DCLK1: variants seen among roughly 807,000 people sequenced by gnomAD.
DCLK1 encodes serine/threonine-protein kinase DCLK1.
In DCLK1, 16 loss-of-function variants were observed where a neutral mutation model predicts 86.2. The observed-to-expected ratio is 0.19, with a 90% confidence interval of 0.13 to 0.28. The LOEUF is 0.28. Among genes scored for constraint, DCLK1 ranks in the 10% least tolerant of loss-of-function variants. DCLK1 has a pLI of 1.00. For missense variants in DCLK1, 590 were observed against 940.2 expected, an observed-to-expected ratio of 0.63 and a Z score of 4.87; for synonymous variants, 369 against 370.5, an observed-to-expected ratio of 1.00 and a Z score of 0.05.
intron 3 of DCLK1, among the ~76,000 whole-genome samples, chr13:36,101,291 A>G (rs1046776708): frequency 2.0e-5 from 3 of 152,186 alleles, no homozygotes; most frequent in Non-Finnish European, 4.4e-5. Flanking sequence ...TTCTCCATAC[A>G]GGAAGCCATT....
At chr13:36,030,128 C>T (rs1383919652) in intron 3 of DCLK1, among the ~76,000 whole-genome samples, 1 of 152,114 alleles carries the variant, frequency 6.6e-6, no homozygotes, top group South Asian at 2.1e-4. Flanking sequence ...ATCTTGCAAA[C>T]GTTGAATGAA....
intron 7 of DCLK1, among the ~76,000 whole-genome samples, chr13:35,838,794 C>A (rs558310945): frequency 3.5e-4 from 53 of 152,254 alleles, no homozygotes; most frequent in African/African-American, 1.2e-3. Flanking sequence ...CAAAAGCAGC[C>A]ACGATCCCAG....
intron 1 of DCLK1, among the ~76,000 whole-genome samples, chr13:36,127,442 A>C (rs2138224630): frequency 6.6e-6 from 1 of 152,236 alleles, no homozygotes; most frequent in South Asian, 2.1e-4. Flanking sequence ...TTTACACTTG[A>C]CCCCATGCTA....
Position 35,847,907 on chromosome 13 carries a change from TA to T in DCLK1, c.1035+6591del, listed in dbSNP as rs1179910055. The T allele has an allele frequency of 4.1e-6, 4 of 985,200 alleles. No homozygotes were observed. In the South Asian group the frequency reaches 1.4e-4, roughly 35 times the overall value. The allele number at this position is 985,200 out of a possible 1,614,324, so 61.0% of individuals were successfully genotyped here. A position where few individuals can be genotyped will look rare whatever the true frequency, so the allele number is the denominator to read the frequency against. On this transcript the variant is annotated intron_variant, in intron 6 of 16. Coordinates refer to ENST00000360631, the MANE Select transcript of DCLK1 (RefSeq NM_001330071.2). ...AGATTTTTCCCCCTGCCTAGTTGATTAAACAAGACAAAAACACACCATGTGG... is the reference window on the plus strand; with the variant it reads ...AGATTTTTCCCCCTGCCTAGTTGATTAACAAGACAAAAACACACCATGTGG...
chr13:35,829,410 C>G (rs923374545), intron 8 of DCLK1, among the ~76,000 whole-genome samples: 1 of 152,066 alleles, frequency 6.6e-6, no homozygotes, highest in African/African-American at 2.4e-5. Context: ...AGATAAAAGC[C>G]AATTTTGTGG....
intron 5 of DCLK1, among the ~76,000 whole-genome samples, chr13:35,866,548 T>A (rs1339796003): frequency 2.0e-5 from 3 of 150,818 alleles, no homozygotes; most frequent in African/African-American, 4.9e-5. Flanking sequence ...TGCCTCCCAG[T>A]GTCAAGCCAT....
At chr13:35,951,301 GGAT>G (rs1877667941) in intron 3 of DCLK1, among the ~76,000 whole-genome samples, 1 of 151,384 alleles carries the variant, frequency 6.6e-6, no homozygotes, top group Non-Finnish European at 1.5e-5. Context: ...ATGGATGGAT[GGAT>G]GGATGGATGG....
chr13:35,837,644 T>C lies in DCLK1; in HGVS notation c.1120+1448A>G, dbSNP rs987240681. On this transcript the variant is annotated intron_variant, in intron 7 of 16. Transcript: ENST00000360631. The stretch of plus-strand genomic sequence containing the variant: ...CAAGTGTGACCCTGCAGGTGGGAAA[T>C]GGAAGAAGGTACTTCCATTCTGCCT... 4.6e-5 allele frequency among the ~76,000 whole-genome samples: 7 copies of C among 152,254 alleles called. No individual in the cohort carries two copies. In the Middle Eastern group the frequency reaches 0.01, roughly 222 times the overall value.
intron 3 of DCLK1, among the ~76,000 whole-genome samples, chr13:36,110,209 G>A (rs1296890316): frequency 1.3e-5 from 2 of 152,184 alleles, no homozygotes; most frequent in Non-Finnish European, 2.9e-5. Context: ...AATGGAGCCA[G>A]TGAAGGGCTT....
intron 4 of DCLK1, among the ~76,000 whole-genome samples, chr13:35,923,068 T>C (rs574395529): frequency 1.3e-5 from 2 of 152,216 alleles, no homozygotes; most frequent in East Asian, 3.9e-4. Flanking sequence ...TTGGAGTAAC[T>C]GCTATGAATC....
intron 3 of DCLK1, among the ~76,000 whole-genome samples, chr13:35,951,514 C>T (rs150671443): frequency 1.5e-3 from 226 of 150,894 alleles, no homozygotes; most frequent in African/African-American, 5.3e-3. Flanking sequence ...TCAAGCCCTA[C>T]CTTCTCTATC....
At chr13:36,111,424 T>C (rs1035929333) in intron 3 of DCLK1, among the ~76,000 whole-genome samples, 11 of 152,192 alleles carry the variant, frequency 7.2e-5, no homozygotes, top group African/African-American at 2.7e-4. Context: ...CTATAAAATG[T>C]AAGTAAATCT....
chr13:35,894,051 T>A (rs1395735972), intron 4 of DCLK1, among the ~76,000 whole-genome samples: 2 of 152,092 alleles, frequency 1.3e-5, no homozygotes, highest in Admixed American at 6.5e-5. Context: ...AAAGCGTACA[T>A]GAAACATAAA....
chr13:36,013,771 T>C (rs374244202), intron 3 of DCLK1, among the ~76,000 whole-genome samples: 77 of 152,332 alleles, frequency 5.1e-4, no homozygotes, highest in South Asian at 3.5e-3. Context: ...TCGAGCTTCC[T>C]GGCTGCTTTG....
chr13:35,840,298 G>A (rs1869700074), intron 6 of DCLK1, among the ~76,000 whole-genome samples: 1 of 152,192 alleles, frequency 6.6e-6, no homozygotes, highest in South Asian at 2.1e-4. Context: ...ATGGTCTACA[G>A]TATCCTGCAT....
chr13:35,893,371 AAG>A (rs1310228406), intron 4 of DCLK1, among the ~76,000 whole-genome samples: 1 of 152,208 alleles, frequency 6.6e-6, no homozygotes, highest in Non-Finnish European at 1.5e-5. Context: ...TCTATCCTTA[AAG>A]AACAAAGGCA....
chr13:36,041,419 T>A (rs1882698147), intron 3 of DCLK1, among the ~76,000 whole-genome samples: 1 of 152,210 alleles, frequency 6.6e-6, no homozygotes, highest in Admixed American at 6.5e-5. Flanking sequence ...GGGAAACAAC[T>A]TTTTAAAATA....
intron 8 of DCLK1, among the ~76,000 whole-genome samples, chr13:35,831,586 T>C (rs576933269): frequency 1.1e-4 from 17 of 152,198 alleles, no homozygotes; most frequent in African/African-American, 4.1e-4. Context: ...ATCCTTGTCT[T>C]TAAGGTGTCT....
At chr13:35,844,997 C>T (rs963545004) in intron 6 of DCLK1, among the ~76,000 whole-genome samples, 28 of 152,172 alleles carry the variant, frequency 1.8e-4, no homozygotes, top group African/African-American at 6.3e-4. Context: ...CCTATAATCC[C>T]AGCACTTTGG....
Sources: allele counts gnomAD v4.1 joint callset (sites outside exome capture counted in the v4.1 genomes callset), GRCh38; gene constraint gnomAD v4.1.1; transcripts MANE v1.5; gene names NCBI Gene and HGNC (gene_info 2026-07-23, HGNC 2026-07-21).